Variants in CNTNAP4 observed in about 807,000 individuals in gnomAD.
CNTNAP4 encodes the protein contactin-associated protein-like 4.
In CNTNAP4, 98 loss-of-function variants were observed where a neutral mutation model predicts 148.4. The ratio of observed to expected loss-of-function variants is 0.66; its 90% CI spans 0.56 to 0.78. The LOEUF is 0.78. CNTNAP4 is among the 30% of genes least tolerant of loss of function. The pLI is 0.00. For synonymous variants in CNTNAP4, 730 were observed against 565.1 expected, an observed-to-expected ratio of 1.29 and a Z score of -4.14; for missense variants, 1,935 against 1,565.6, an observed-to-expected ratio of 1.24 and a Z score of -3.98.
At chr16:76,368,163 T>C (rs1203171922) in intron 3 of CNTNAP4, among the ~76,000 whole-genome samples, 1 of 152,208 alleles carries the variant, frequency 6.6e-6, no homozygotes, top group African/African-American at 2.4e-5. Flanking sequence ...TAGATTCTCC[T>C]GCACATTCTT....
At chr16:76,457,118 A>G (rs2080764731) in intron 8 of CNTNAP4, among the ~76,000 whole-genome samples, 1 of 152,248 alleles carries the variant, frequency 6.6e-6, no homozygotes, top group African/African-American at 2.4e-5. Context: ...AGAAACAAGA[A>G]AACAAATTCA....
intron 15 of CNTNAP4, among the ~76,000 whole-genome samples, chr16:76,499,911 G>T (rs1417570322): frequency 1.3e-5 from 2 of 152,118 alleles, no homozygotes; most frequent in Non-Finnish European, 2.9e-5. Flanking sequence ...CAAGGCAGAA[G>T]AATTTTTCTT....
At chr16:76,416,479 AC>A (rs2078988016) in intron 3 of CNTNAP4, among the ~76,000 whole-genome samples, 1 of 150,826 alleles carries the variant, frequency 6.6e-6, no homozygotes, top group Non-Finnish European at 1.5e-5. Flanking sequence ...ACAGATTTAA[AC>A]ATTCTAGATA....
chr16:76,434,319 G>C (rs1272840256), intron 4 of CNTNAP4, among the ~76,000 whole-genome samples: 1 of 152,140 alleles, frequency 6.6e-6, no homozygotes, highest in Admixed American at 6.6e-5. Context: ...GGACAGTAAA[G>C]GTATATTGCT....
At chr16:76,352,591 A>G (rs770961256) in intron 2 of CNTNAP4, among the ~76,000 whole-genome samples, 1 of 152,118 alleles carries the variant, frequency 6.6e-6, no homozygotes, top group Non-Finnish European at 1.5e-5. Context: ...TGCACCATCT[A>G]CTATGTAGAC....
At chr16:76,468,984 T>C (rs1597643268) in intron 10 of CNTNAP4, among the ~76,000 whole-genome samples, 1 of 152,202 alleles carries the variant, frequency 6.6e-6, no homozygotes, top group Admixed American at 6.5e-5. Context: ...AATACATAAA[T>C]TATGAGAATC....
At chr16:76,446,064 C>T (rs1374949203) in intron 4 of CNTNAP4, among the ~76,000 whole-genome samples, 1 of 138,994 alleles carries the variant, frequency 7.2e-6, no homozygotes, top group Admixed American at 7.6e-5. Flanking sequence ...AATGAATTCT[C>T]TATAAGCACA....
intron 3 of CNTNAP4, among the ~76,000 whole-genome samples, chr16:76,403,862 A>C (rs1777901388): frequency 1.3e-5 from 2 of 152,238 alleles, no homozygotes; most frequent in South Asian, 4.1e-4. Flanking sequence ...AATACTATGC[A>C]GCCATAAGAA....
intron 8 of CNTNAP4, among the ~76,000 whole-genome samples, chr16:76,455,077 T>G (rs968253893): frequency 1.3e-5 from 2 of 152,192 alleles, no homozygotes; most frequent in Non-Finnish European, 2.9e-5. Flanking sequence ...CTTAAATCAT[T>G]TTTGAAATAT....
intron 4 of CNTNAP4, among the ~76,000 whole-genome samples, chr16:76,440,843 G>C (rs1008291765): frequency 2.0e-5 from 3 of 152,114 alleles, no homozygotes; most frequent in Non-Finnish European, 4.4e-5. Flanking sequence ...TTCACTTGGG[G>C]GTGAGGAGGA....
chr16:76,540,783 G>A lies in CNTNAP4; in HGVS notation c.3435G>A (p.Arg1145=). The A allele has an allele frequency of 6.4e-7, 1 of 1,562,834 alleles. No homozygotes were observed. The highest frequency in any genetic ancestry group is 2.3e-5 in the East Asian group (1 of 42,744). Reference sequence around the variant, plus strand: ...CAGTCAAATCTCTGGTATTGGGCAGGATTTTAGGTAAGTGAAAGAAACAAC... The same window carrying A: ...CAGTCAAATCTCTGGTATTGGGCAGAATTTTAGGTAAGTGAAAGAAACAAC... ...FSAVKSLVLG[R]ILEHSDVDQD... The change falls in exon 21 of 24, where the codon AGG becomes AGA. Residue 1145 remains arginine, a synonymous_variant. Coordinates refer to ENST00000611870, the MANE Select transcript of CNTNAP4 (RefSeq NM_033401.5).
chr16:76,393,684 G>A (rs771582188), intron 3 of CNTNAP4, among the ~76,000 whole-genome samples: 1 of 151,172 alleles, frequency 6.6e-6, no homozygotes, highest in Non-Finnish European at 1.5e-5. Context: ...GACATTCCTG[G>A]CAGAAAAAAA....
At chr16:76,533,779 A>C (rs2084093377) in intron 17 of CNTNAP4, among the ~76,000 whole-genome samples, 1 of 152,188 alleles carries the variant, frequency 6.6e-6, no homozygotes, top group African/African-American at 2.4e-5. Flanking sequence ...CATGCCTACC[A>C]TGCCCACTTG....
intron 23 of CNTNAP4, among the ~76,000 whole-genome samples, chr16:76,555,018 A>T (rs1377106757): frequency 1.3e-5 from 2 of 151,966 alleles, no homozygotes; most frequent in African/African-American, 2.4e-5. Context: ...TTAAAATTGT[A>T]TCTCCCTGGC....
At chr16:76,339,828 T>G (rs957872773) in intron 2 of CNTNAP4, among the ~76,000 whole-genome samples, 6 of 152,230 alleles carry the variant, frequency 3.9e-5, no homozygotes, top group Non-Finnish European at 8.8e-5. Flanking sequence ...TGTCCATGGC[T>G]TTCTAATACG....
chr16:76,342,471 T>C (rs1013655948), intron 2 of CNTNAP4, among the ~76,000 whole-genome samples: 1 of 134,446 alleles, frequency 7.4e-6, no homozygotes, highest in Admixed American at 7.3e-5. Context: ...ATTTCTTTTT[T>C]TTTTTTTTTT....
chr16:76,344,237 G>T (rs1223619384), intron 2 of CNTNAP4, among the ~76,000 whole-genome samples: 8 of 152,046 alleles, frequency 5.3e-5, no homozygotes, highest in African/African-American at 1.9e-4. Flanking sequence ...TGTCCAGTTT[G>T]TAGAAAAAAT....
At chr16:76,430,511 G>T (rs13336784) in intron 4 of CNTNAP4, among the ~76,000 whole-genome samples, 27,571 of 152,076 alleles carry the variant, frequency 0.18, 2,895 homozygotes, top group East Asian at 0.37. Context: ...ACAAAAGACT[G>T]TTCTCCCGAA....
intron 9 of CNTNAP4, among the ~76,000 whole-genome samples, chr16:76,463,241 T>C (rs1178665863): frequency 6.6e-6 from 1 of 152,198 alleles, no homozygotes. Flanking sequence ...CCCAGAGCTT[T>C]TACTTCAAAG....
Sources: gnomAD v4.1 joint callset for allele counts (sites outside exome capture counted in the v4.1 genomes callset) on GRCh38, gnomAD v4.1.1 for gene constraint, MANE v1.5 for transcripts, NCBI Gene and HGNC (gene_info 2026-07-23, HGNC 2026-07-21) for gene names.